Variants in PEPD observed in about 807,000 individuals in gnomAD.
The protein encoded by PEPD is peptidase D.
In PEPD, 53 loss-of-function variants were observed where a neutral mutation model predicts 60.7. That is an observed-to-expected ratio of 0.87 (90% CI 0.70 to 1.10). PEPD has a LOEUF of 1.10. Among genes scored for constraint, PEPD ranks in the 50% least tolerant of loss-of-function variants. PEPD has a pLI of 0.00. For missense variants in PEPD, 711 were observed against 711.9 expected, an observed-to-expected ratio of 1.00 and a Z score of 0.01; for synonymous variants, 267 against 284.1, an observed-to-expected ratio of 0.94 and a Z score of 0.60.
intron 6 of PEPD, among the ~76,000 whole-genome samples, chr19:33,480,394 T>C (rs1970291412): frequency 6.6e-6 from 1 of 152,180 alleles, no homozygotes; most frequent in Non-Finnish European, 1.5e-5. Context: ...CTAAGATGTA[T>C]GTATCAAAAA....
chr19:33,446,404 T>C (rs1038793387), intron 9 of PEPD, among the ~76,000 whole-genome samples: 3 of 152,226 alleles, frequency 2.0e-5, no homozygotes, highest in African/African-American at 7.2e-5. Context: ...ACTGGCTGCA[T>C]CCTCACCGGA....
At chr19:33,502,195 C>T (rs925084824) in intron 3 of PEPD, among the ~76,000 whole-genome samples, 14 of 152,202 alleles carry the variant, frequency 9.2e-5, no homozygotes, top group African/African-American at 1.4e-4. Flanking sequence ...CACACATACT[C>T]GGTCCTATGT....
At chr19:33,491,681 T>A (rs4805896) in intron 5 of PEPD, among the ~76,000 whole-genome samples, 2 of 151,960 alleles carry the variant, frequency 1.3e-5, no homozygotes, top group Non-Finnish European at 2.9e-5. Flanking sequence ...TTTGTCCCGA[T>A]TGGCTAGCAA....
chr19:33,489,954 G>T (rs753398027), intron 6 of PEPD, 42 bp downstream of exon 6: 5 of 1,188,978 alleles, frequency 4.2e-6, no homozygotes, highest in South Asian at 3.8e-5. Flanking sequence ...AGGTGGGAGT[G>T]GGGGATGGTG....
intron 9 of PEPD, among the ~76,000 whole-genome samples, chr19:33,447,701 C>G (rs1349008722): frequency 6.6e-6 from 1 of 152,192 alleles, no homozygotes; most frequent in South Asian, 2.1e-4. Context: ...CAGTTTCCCT[C>G]CTGCTCAGCC....
chr19:33,480,711 C>T (rs1970298094), intron 6 of PEPD, among the ~76,000 whole-genome samples: 1 of 152,154 alleles, frequency 6.6e-6, no homozygotes, highest in Non-Finnish European at 1.5e-5. Context: ...AAGAGAATCG[C>T]TTGAACCGAG....
At chr19:33,510,808 T>C (rs1404217919) in intron 3 of PEPD, among the ~76,000 whole-genome samples, 3 of 152,304 alleles carry the variant, frequency 2.0e-5, no homozygotes, top group Middle Eastern at 3.4e-3. Context: ...CAATAACTCC[T>C]ACCACACAGT....
chr19:33,403,589 G>T (rs909596077), intron 11 of PEPD, among the ~76,000 whole-genome samples: 2 of 152,214 alleles, frequency 1.3e-5, no homozygotes, highest in East Asian at 1.9e-4. Flanking sequence ...AGGGAGCCAG[G>T]GGGTGGAGGA....
chr19:33,456,303 C>T (rs79396589), intron 9 of PEPD, among the ~76,000 whole-genome samples: 1,697 of 152,286 alleles, frequency 0.011, 26 homozygotes, highest in South Asian at 0.07. Context: ...CCTGCCAGCA[C>T]AGGGTAGGCT....
At position 33,431,150 on chromosome 19, in the gene PEPD, GGAAGGAAGGAAA is replaced by G. The variant is rs1284150685; in HGVS notation, c.672-17519_672-17508del. Reference sequence around the variant, plus strand: ...AGAGAGGAACAGAGAAAGGGAGAGAGGAAGGAAGGAAAGAAGGAAGGAAGGAAGGAAGGGAGG... The same window carrying G: ...AGAGAGGAACAGAGAAAGGGAGAGAGGAAGGAAGGAAGGAAGGAAGGGAGG... On this transcript the variant is annotated intron_variant, in intron 9 of 14. Coordinates refer to ENST00000244137, the MANE Select transcript of PEPD (RefSeq NM_000285.4). 1.2e-4 allele frequency among the ~76,000 whole-genome samples: 17 copies of G among 140,376 alleles called. No individual in the cohort carries two copies. In the East Asian group the frequency reaches 4.0e-3, roughly 33 times the overall value. The allele number at this position is 140,376 out of a possible 152,430, so 92.1% of individuals were successfully genotyped here. A position where few individuals can be genotyped will look rare whatever the true frequency, so the allele number is the denominator to read the frequency against.
intron 4 of PEPD, among the ~76,000 whole-genome samples, chr19:33,494,723 G>C (rs1006385614): frequency 3.5e-4 from 54 of 152,340 alleles, no homozygotes; most frequent in African/African-American, 1.2e-3. Context: ...AGACAGTGCG[G>C]CAAACATGCA....
At chr19:33,479,414 T>C (rs1199173788) in intron 6 of PEPD, among the ~76,000 whole-genome samples, 2 of 152,212 alleles carry the variant, frequency 1.3e-5, no homozygotes, top group Non-Finnish European at 2.9e-5. Flanking sequence ...AATTCTTTTT[T>C]TTTTTTTAAT....
rs1473308366 is a variant in PEPD, at chr19:33,387,969, AG to A, written c.1264del (p.Leu422TrpfsTer36). Reference protein sequence around the residue: ...EPGIYFIDHLLDEALADPARA... With the variant: ...EPGIYFIDHLXDEALADPARA... Reference sequence around the variant, plus strand: ...GGCCGGGTCCGCCAGGGCCTCATCCAGGAGGTGGTCGATGAAGTAGATGCCC... The same window carrying A: ...GGCCGGGTCCGCCAGGGCCTCATCCAGAGGTGGTCGATGAAGTAGATGCCC... On this transcript the variant is annotated frameshift_variant, in exon 14 of 15. Coordinates refer to ENST00000244137, the MANE Select transcript of PEPD (RefSeq NM_000285.4). LOFTEE classifies it high-confidence loss of function. 2.5e-6 allele frequency: 4 copies of A among 1,596,132 alleles called. No homozygotes were observed. The African/African-American group carries it at 5.3e-5, about 21-fold the overall frequency.
intron 1 of PEPD, 72 bp from the exon 2 acceptor site, chr19:33,512,848 C>A: frequency 1.3e-6 from 2 of 1,555,952 alleles, no homozygotes; most frequent in South Asian, 2.2e-5. Flanking sequence ...CACCTGAGGT[C>A]GGGGTGACCG....
intron 9 of PEPD, among the ~76,000 whole-genome samples, chr19:33,460,866 G>T (rs1969912765): frequency 6.6e-6 from 1 of 152,180 alleles, no homozygotes; most frequent in South Asian, 2.1e-4. Context: ...CGGCAGCAAG[G>T]CCAACCCAGG....
chr19:33,387,907 A>G lies in PEPD; in HGVS notation c.1327T>C (p.Phe443Leu). The change falls in exon 14 of 15, where the codon TTT becomes CTT. Residue 443 changes from phenylalanine (F) to leucine (L), a missense_variant. Coordinates refer to ENST00000244137, the MANE Select transcript of PEPD (RefSeq NM_000285.4). Reference protein sequence around the residue: ...SFLNREVLQRFRGFGGVRIEE... With the variant: ...SFLNREVLQRLRGFGGVRIEE... ...GCACTCACCCCGCCAAAACCGCGAA[A>G]GCGCTGCAGGACCTCGCGGTTAAGG... 6.3e-7 allele frequency: 1 copy of G among 1,579,078 alleles called. No homozygotes were observed. Among genetic ancestry groups the G allele is most frequent in the South Asian group, 1.2e-5 (1 of 86,420 alleles).
At chr19:33,462,843 A>G in intron 9 of PEPD, 152 bp downstream of exon 9, 1 of 740,646 alleles carries the variant, frequency 1.4e-6, no homozygotes, top group South Asian at 1.4e-5. Flanking sequence ...AGTCAGAAGA[A>G]AAATAATCTT....
chr19:33,402,419 C>T (rs773843974), intron 11 of PEPD, among the ~76,000 whole-genome samples: 3 of 152,166 alleles, frequency 2.0e-5, no homozygotes, highest in Non-Finnish European at 4.4e-5. Flanking sequence ...TGAATCACAC[C>T]ACCTGCTTCT....
chr19:33,498,737 G>A (rs1263285148), intron 4 of PEPD, among the ~76,000 whole-genome samples: 4 of 151,504 alleles, frequency 2.6e-5, no homozygotes, highest in Non-Finnish European at 4.4e-5. Context: ...TTGAGACAGG[G>A]TCCTGGAGGC....
Sources: gnomAD v4.1 joint callset for allele counts (sites outside exome capture counted in the v4.1 genomes callset) on GRCh38, gnomAD v4.1.1 for gene constraint, MANE v1.5 for transcripts, NCBI Gene and HGNC (gene_info 2026-07-23, HGNC 2026-07-21) for gene names.